NTRK2: variants seen among roughly 807,000 people sequenced by gnomAD.
NTRK2 encodes the protein neurotrophic receptor tyrosine kinase 2.
A neutral mutation model predicts 94.5 loss-of-function variants in NTRK2; 13 were observed. That is an observed-to-expected ratio of 0.14 (90% confidence interval 0.09 to 0.22). The LOEUF (loss-of-function observed/expected upper bound fraction) is 0.22, where lower values mean the gene tolerates loss of function less well. Ranked by LOEUF, NTRK2 falls within the 10% of genes least tolerant of loss-of-function variation. The pLI is 1.00. For missense variants in NTRK2, 639 were observed against 1,071.2 expected (o/e 0.60, Z 5.63); for synonymous variants, 372 against 407.4 (o/e 0.91, Z 1.05).
chr9:84,873,341 C>T (rs762747182), intron 14 of NTRK2: 17 of 1,058,646 alleles, frequency 1.6e-5, no homozygotes, highest in Non-Finnish European at 1.9e-5. Context: ...CCATTCTGCC[C>T]AGCACGAGCA....
In NTRK2 at chr9:85,021,707, T is replaced by A; in HGVS notation, c.*270T>A. ...TTTTTTTAAATTTTCTTTTTCTTTTTTTTTTCGTCTTCCCTGCTTCACGAT... is the reference window on the plus strand; with the variant it reads ...TTTTTTTAAATTTTCTTTTTCTTTTATTTTTCGTCTTCCCTGCTTCACGAT... On this transcript the variant is annotated 3_prime_UTR_variant, in exon 19 of 19. Transcript: ENST00000277120. 2.0e-6 allele frequency: 1 copy of A among 491,338 alleles called. No individual in the cohort carries two copies. Among genetic ancestry groups the A allele is most frequent in the Non-Finnish European group, 3.7e-6 (1 of 271,988 alleles). 30.4% of individuals were successfully genotyped at this position (491,338 alleles called of 1,614,324 possible).
At chr9:84,770,195 A>ACACACACACAC (rs2066415222) in intron 12 of NTRK2, among the ~76,000 whole-genome samples, 11 of 95,068 alleles carry the variant, frequency 1.2e-4, no homozygotes, top group African/African-American at 3.7e-4. Context: ...CACACACACA[A>ACACACACACAC]ACACACAGCT....
At chr9:84,928,613 G>A (rs1395056177) in intron 14 of NTRK2, among the ~76,000 whole-genome samples, 1 of 152,122 alleles carries the variant, frequency 6.6e-6, no homozygotes, top group East Asian at 1.9e-4. Flanking sequence ...ATCCTAGCTG[G>A]GTCACCTTCT....
intron 17 of NTRK2, among the ~76,000 whole-genome samples, chr9:84,998,073 C>A (rs572297173): frequency 6.6e-6 from 1 of 152,196 alleles, no homozygotes; most frequent in African/African-American, 2.4e-5. Context: ...CAGACAGACT[C>A]CTCTGAAGCC....
intron 2 of NTRK2, among the ~76,000 whole-genome samples, chr9:84,678,580 C>T (rs1028929994): frequency 2.0e-4 from 30 of 152,172 alleles, no homozygotes; most frequent in African/African-American, 7.2e-4. Context: ...GGCAAGTGAC[C>T]TCTCTTTTCT....
chr9:84,966,324 A>G (rs908516115), intron 17 of NTRK2, among the ~76,000 whole-genome samples: 1 of 152,196 alleles, frequency 6.6e-6, no homozygotes, highest in African/African-American at 2.4e-5. Flanking sequence ...TTCACTTTAC[A>G]TATACTGATT....
intron 14 of NTRK2, among the ~76,000 whole-genome samples, chr9:84,927,999 A>G (rs1231305264): frequency 6.6e-6 from 1 of 152,194 alleles, no homozygotes; most frequent in Non-Finnish European, 1.5e-5. Flanking sequence ...AATTGATGAT[A>G]ATGCACATTG....
At chr9:84,780,989 C>CT (rs1316801062) in intron 12 of NTRK2, among the ~76,000 whole-genome samples, 5 of 151,908 alleles carry the variant, frequency 3.3e-5, no homozygotes, top group South Asian at 2.1e-4. Context: ...ATATTTGAGT[C>CT]TTTTTTTTGT....
intron 12 of NTRK2, among the ~76,000 whole-genome samples, chr9:84,844,316 A>G (rs766854156): frequency 1.3e-5 from 2 of 152,202 alleles, no homozygotes; most frequent in Non-Finnish European, 2.9e-5. Flanking sequence ...TAGTCCAGCC[A>G]TGGATGGTTC....
At chr9:84,930,995 T>C (rs906230199) in intron 14 of NTRK2, among the ~76,000 whole-genome samples, 4 of 152,214 alleles carry the variant, frequency 2.6e-5, no homozygotes, top group African/African-American at 9.7e-5. Context: ...TGGTTATCAT[T>C]ATTAAACATA....
chr9:84,714,539 C>T (rs1449237922), intron 6 of NTRK2, among the ~76,000 whole-genome samples: 1 of 152,100 alleles, frequency 6.6e-6, no homozygotes, highest in Admixed American at 6.5e-5. Context: ...GGGGCTTAGT[C>T]ATGTATTAAT....
chr9:84,895,742 C>G (rs907220639), intron 14 of NTRK2, among the ~76,000 whole-genome samples: 2 of 152,176 alleles, frequency 1.3e-5, no homozygotes, highest in African/African-American at 4.8e-5. Flanking sequence ...CTTGCCTTCG[C>G]AGGATCTCCT....
intron 9 of NTRK2, among the ~76,000 whole-genome samples, chr9:84,737,361 A>T (rs565782334): frequency 1.3e-5 from 2 of 152,224 alleles, no homozygotes; most frequent in Non-Finnish European, 2.9e-5. Flanking sequence ...ATCAAGATTT[A>T]CATAAAGTCA....
chr9:84,804,482 A>G (rs1159358992), intron 12 of NTRK2, among the ~76,000 whole-genome samples: 2 of 152,230 alleles, frequency 1.3e-5, no homozygotes, highest in Non-Finnish European at 2.9e-5. Context: ...AAAATTGGGC[A>G]GAGCCAAGCA....
intron 2 of NTRK2, among the ~76,000 whole-genome samples, chr9:84,681,445 A>G (rs1005708480): frequency 6.6e-6 from 1 of 152,156 alleles, no homozygotes; most frequent in African/African-American, 2.4e-5. Context: ...ACATTATTCA[A>G]TCATTCTTTC....
At chr9:84,802,064 T>G (rs2070529036) in intron 12 of NTRK2, among the ~76,000 whole-genome samples, 1 of 152,246 alleles carries the variant, frequency 6.6e-6, no homozygotes, top group African/African-American at 2.4e-5. Context: ...TTCCTTTTAA[T>G]CACTTTGACT....
At chr9:84,869,855 A>G (rs2075762155) in intron 14 of NTRK2, among the ~76,000 whole-genome samples, 1 of 152,120 alleles carries the variant, frequency 6.6e-6, no homozygotes, top group South Asian at 2.1e-4. Flanking sequence ...AAACTTGCCT[A>G]CATAGTTGTT....
intron 17 of NTRK2, among the ~76,000 whole-genome samples, chr9:84,983,539 G>A (rs1827914757): frequency 6.6e-6 from 1 of 152,176 alleles, no homozygotes; most frequent in Non-Finnish European, 1.5e-5. Flanking sequence ...GGACCACTTA[G>A]AAAATAAGTA....
chr9:85,021,189 T>G, intron 18 of NTRK2, 63 bp from the exon 19 acceptor site: 10 of 1,465,308 alleles, frequency 6.8e-6, no homozygotes, highest in Non-Finnish European at 9.5e-6. Context: ...TTTTTTGCAC[T>G]GACATTTCTT....
Sources: gnomAD v4.1 joint callset for allele counts (sites outside exome capture counted in the v4.1 genomes callset) on GRCh38, gnomAD v4.1.1 for gene constraint, MANE v1.5 for transcripts, NCBI Gene and HGNC (gene_info 2026-07-23, HGNC 2026-07-21) for gene names.